The following ANO4 variants were observed in gnomAD, a reference collection of about 807,000 sequenced individuals.
ANO4 encodes the protein anoctamin-4.
ANO4 carries 69 observed loss-of-function variants against 141.9 expected under a neutral mutation model. The observed-to-expected ratio is 0.49, with a 90% CI of 0.40 to 0.59. The LOEUF is 0.59. ANO4 is among the 20% of genes least tolerant of loss of function. The pLI is 0.00. For synonymous variants in ANO4, 350 were observed against 394.3 expected, an observed-to-expected ratio of 0.89 and a Z score of 1.33; for missense variants, 894 against 1,162.2, an observed-to-expected ratio of 0.77 and a Z score of 3.36.
At chr12:101,043,851 C>T (rs1277057020) in intron 13 of ANO4, among the ~76,000 whole-genome samples, 3 of 152,158 alleles carry the variant, frequency 2.0e-5, no homozygotes, top group Non-Finnish European at 4.4e-5. Context: ...CATGGAGCTG[C>T]AGCATGGCAC....
intron 1 of ANO4, among the ~76,000 whole-genome samples, chr12:100,729,345 G>A (rs1446178740): frequency 3.6e-4 from 20 of 55,940 alleles, no homozygotes; most frequent in African/African-American, 1.0e-3. Flanking sequence ...TAAAAGCAAG[G>A]GCAAAACTCT....
intron 14 of ANO4, among the ~76,000 whole-genome samples, chr12:101,065,824 G>A (rs1219818625): frequency 6.6e-6 from 1 of 151,962 alleles, no homozygotes; most frequent in African/African-American, 2.4e-5. Flanking sequence ...AAAACTACAG[G>A]CCAATATCTT....
At chr12:100,989,884 A>ATGGATGGG (rs1315527716) in intron 8 of ANO4, among the ~76,000 whole-genome samples, 1 of 148,954 alleles carries the variant, frequency 6.7e-6, no homozygotes, top group Non-Finnish European at 1.5e-5. Flanking sequence ...GGATGGATGG[A>ATGGATGGG]TGGATGGGTG....
At chr12:100,844,873 A>C (rs2037476320) in intron 1 of ANO4, among the ~76,000 whole-genome samples, 1 of 152,098 alleles carries the variant, frequency 6.6e-6, no homozygotes, top group Non-Finnish European at 1.5e-5. Context: ...ACAAGGAAGA[A>C]CGTAGAGAGA....
chr12:100,876,668 A>G (rs1027100282), intron 1 of ANO4, among the ~76,000 whole-genome samples: 3 of 152,202 alleles, frequency 2.0e-5, no homozygotes, highest in African/African-American at 4.8e-5. Flanking sequence ...CCATTTCAAA[A>G]GCAGAGAAGG....
intron 3 of ANO4, among the ~76,000 whole-genome samples, chr12:100,937,873 C>T (rs2136161569): frequency 6.6e-6 from 1 of 152,310 alleles, no homozygotes; most frequent in Non-Finnish European, 1.5e-5. Context: ...CTCTCTGATT[C>T]TGGCCTTCTT....
intron 5 of ANO4, among the ~76,000 whole-genome samples, chr12:100,946,883 G>T (rs2042748357): frequency 6.6e-6 from 1 of 152,200 alleles, no homozygotes; most frequent in Non-Finnish European, 1.5e-5. Context: ...AGAGTGTGTG[G>T]TTCAGGAGAG....
intron 1 of ANO4, among the ~76,000 whole-genome samples, chr12:100,884,820 G>A (rs1428450576): frequency 6.6e-6 from 1 of 152,198 alleles, no homozygotes; most frequent in Non-Finnish European, 1.5e-5. Context: ...TCAGCCCCCC[G>A]AGTAGCTGGG....
intron 5 of ANO4, among the ~76,000 whole-genome samples, chr12:100,964,444 A>G (rs1381689230): frequency 6.6e-6 from 1 of 151,664 alleles, no homozygotes; most frequent in Non-Finnish European, 1.5e-5. Context: ...CTCTATCATT[A>G]CTATTCATTT....
chr12:100,909,294 T>C (rs1004552168), intron 2 of ANO4, among the ~76,000 whole-genome samples: 6 of 152,216 alleles, frequency 3.9e-5, no homozygotes, highest in African/African-American at 1.4e-4. Flanking sequence ...GACAGTTCTA[T>C]TGGCTATGCA....
intron 3 of ANO4, among the ~76,000 whole-genome samples, chr12:100,750,308 T>C (rs1480824795): frequency 6.6e-6 from 1 of 151,414 alleles, no homozygotes; most frequent in Non-Finnish European, 1.5e-5. Context: ...ATTTTTTTTT[T>C]TTTTTTTGTA....
At chr12:100,991,331 G>T (rs568560983) in intron 8 of ANO4, among the ~76,000 whole-genome samples, 11 of 152,052 alleles carry the variant, frequency 7.2e-5, no homozygotes, top group African/African-American at 2.7e-4. Context: ...AGAAGTAGCT[G>T]GTTAATAAGC....
intron 1 of ANO4, among the ~76,000 whole-genome samples, chr12:100,888,035 C>G (rs1289323075): frequency 6.6e-6 from 1 of 152,050 alleles, no homozygotes; most frequent in African/African-American, 2.4e-5. Context: ...TTAAGTATCA[C>G]AGGGTGAGAC....
chr12:100,801,091 TTG>T (rs1176317171), intron 1 of ANO4, among the ~76,000 whole-genome samples: 7 of 107,424 alleles, frequency 6.5e-5, no homozygotes, highest in African/African-American at 2.8e-4. Flanking sequence ...GTTTGTCTAC[TTG>T]TCTCTCTCTC....
chr12:101,103,381 T>C (rs1242651523), intron 22 of ANO4, among the ~76,000 whole-genome samples: 3 of 151,162 alleles, frequency 2.0e-5, no homozygotes, highest in Non-Finnish European at 4.4e-5. Context: ...TGTACATACT[T>C]TTTATTATTT....
intron 1 of ANO4, among the ~76,000 whole-genome samples, chr12:100,819,751 A>AT (rs941701526): frequency 2.6e-5 from 4 of 151,924 alleles, no homozygotes; most frequent in African/African-American, 9.7e-5. Context: ...TGTTGACAAA[A>AT]TTTTTTTTAA....
chr12:101,070,606 C>G (rs551497822), intron 14 of ANO4, among the ~76,000 whole-genome samples: 41 of 152,144 alleles, frequency 2.7e-4, no homozygotes, highest in African/African-American at 9.6e-4. Flanking sequence ...TGAGACTGGG[C>G]AGAGATTTCT....
At chr12:101,019,740 G>GA (rs1016951210) in intron 8 of ANO4, among the ~76,000 whole-genome samples, 21 of 152,260 alleles carry the variant, frequency 1.4e-4, no homozygotes, top group African/African-American at 4.6e-4. Context: ...AGCTTACTGA[G>GA]AAAAAACAAG....
At chr12:100,808,983 C>T (rs539709842) in intron 1 of ANO4, among the ~76,000 whole-genome samples, 1 of 152,270 alleles carries the variant, frequency 6.6e-6, no homozygotes, top group African/African-American at 2.4e-5. Flanking sequence ...GCTTAGTAAG[C>T]ACTTAATGAA....
Sources: allele counts gnomAD v4.1 joint callset (sites outside exome capture counted in the v4.1 genomes callset), GRCh38; gene constraint gnomAD v4.1.1; transcripts MANE v1.5; gene names NCBI Gene and HGNC (gene_info 2026-07-23, HGNC 2026-07-21).